Variants in MEOX2 observed in about 807,000 individuals in gnomAD.
MEOX2 encodes the protein homeobox protein MOX-2.
In MEOX2, 11 loss-of-function variants were observed where a neutral mutation model predicts 27.0. The ratio of observed to expected loss-of-function variants is 0.41; its 90% CI spans 0.26 to 0.68. The LOEUF (loss-of-function observed/expected upper bound fraction) is 0.68, where lower values mean the gene tolerates loss of function less well. MEOX2 is among the 30% of genes least tolerant of loss of function. MEOX2 has a pLI of 0.33. For missense variants in MEOX2, 436 were observed against 385.4 expected (o/e 1.13, Z -1.10); for synonymous variants, 189 against 155.4 (o/e 1.22, Z -1.61).
chr7:15,612,523 A>G lies in MEOX2; in HGVS notation c.779T>C (p.Val260Ala). Residue 260 changes from valine (V) to alanine (A), a missense_variant, in exon 3 of 3, where the codon GTG becomes GCG. Physicochemically the swap from Val to Ala is moderately conservative, Grantham distance 64. Transcript: ENST00000262041. ...GAGAAGTGTTCCCTTTTTCACATTC[A>G]CCAGTTCCTTTTCCCGAGCCGCAGC... is the stretch of plus-strand genomic sequence containing the variant. ...QGAAAREKELVNVKKGTLLPS... is the reference protein window; with the variant it reads ...QGAAAREKELANVKKGTLLPS... 1.2e-6 allele frequency: 2 copies of G among 1,614,080 alleles called. No individual in the cohort carries two copies. Among genetic ancestry groups the G allele is most frequent in the African/African-American group, 1.3e-5 (1 of 75,006 alleles).
At chr7:15,669,989 C>T (rs918032648) in intron 1 of MEOX2, among the ~76,000 whole-genome samples, 1 of 152,202 alleles carries the variant, frequency 6.6e-6, no homozygotes, top group Non-Finnish European at 1.5e-5. Context: ...CCTCCCCATT[C>T]CTCAAGAGGC....
At chr7:15,626,286 G>A (rs1781303933) in intron 2 of MEOX2, among the ~76,000 whole-genome samples, 1 of 152,124 alleles carries the variant, frequency 6.6e-6, no homozygotes. Context: ...TATGGAGAGT[G>A]AGTAAGTAAT....
intron 1 of MEOX2, among the ~76,000 whole-genome samples, chr7:15,639,287 T>C (rs1406120984): frequency 6.6e-6 from 1 of 152,182 alleles, no homozygotes; most frequent in Non-Finnish European, 1.5e-5. Context: ...TTTTGAGAAG[T>C]ATGTGTTCAT....
chr7:15,686,045 A>T lies in MEOX2; in HGVS notation c.358T>A (p.Leu120Met). The change falls in exon 1 of 3, where the codon TTG (leucine) becomes ATG (methionine). Residue 120 changes from leucine (L) to methionine (M), a missense_variant. By Grantham distance (15) the Leu-to-Met change is conservative (BLOSUM62 2). Transcript: ENST00000262041. ...LQPDSGGPPE[L>M]GSSPPVLCSN... ...CACAGGACGGGCGGGCTGCTCCCCA[A>T]CTCTGGGGGCCCTCCAGAGTCGGGC... 6 of 1,603,938 alleles carry T rather than the reference A, an allele frequency of 3.7e-6. No homozygotes were observed. The highest frequency in any genetic ancestry group is 1.7e-4 in the Middle Eastern group (1 of 5,996).
chr7:15,615,560 C>T (rs1781110048), intron 2 of MEOX2, among the ~76,000 whole-genome samples: 1 of 151,994 alleles, frequency 6.6e-6, no homozygotes, highest in Non-Finnish European at 1.5e-5. Flanking sequence ...GGTAATTACG[C>T]TACTGAGTTT....
intron 1 of MEOX2, among the ~76,000 whole-genome samples, chr7:15,675,466 T>A (rs1310512458): frequency 6.6e-6 from 1 of 152,204 alleles, no homozygotes; most frequent in Non-Finnish European, 1.5e-5. Flanking sequence ...TTATTTTTAT[T>A]GGGAAGACTA....
intron 1 of MEOX2, among the ~76,000 whole-genome samples, chr7:15,657,234 G>A (rs976368823): frequency 6.6e-6 from 1 of 151,838 alleles, no homozygotes; most frequent in Non-Finnish European, 1.5e-5. Context: ...TATGTCTTTT[G>A]CTAAATTTGG....
At chr7:15,679,376 C>A (rs1010423299) in intron 1 of MEOX2, 16 of 152,160 alleles carry the variant, frequency 1.1e-4, no homozygotes, top group African/African-American at 3.4e-4. Flanking sequence ...TGAAAGTAAG[C>A]AGCTTATAAT....
At chr7:15,665,298 G>A (rs943334826) in intron 1 of MEOX2, among the ~76,000 whole-genome samples, 14 of 151,024 alleles carry the variant, frequency 9.3e-5, no homozygotes, top group South Asian at 6.3e-4. Flanking sequence ...TGAAAAAAAA[G>A]CACCTTAATC....
At chr7:15,660,951 T>G (rs577522825) in intron 1 of MEOX2, among the ~76,000 whole-genome samples, 67 of 130,606 alleles carry the variant, frequency 5.1e-4, no homozygotes, top group African/African-American at 1.7e-3. Context: ...AGGTGGATGT[T>G]GCAGTGAGCC....
At chr7:15,642,620 A>G (rs1213214402) in intron 1 of MEOX2, among the ~76,000 whole-genome samples, 2 of 152,058 alleles carry the variant, frequency 1.3e-5, no homozygotes, top group Non-Finnish European at 2.9e-5. Flanking sequence ...CAAAGTTTTC[A>G]TTTTGGTTAG....
intron 2 of MEOX2, among the ~76,000 whole-genome samples, chr7:15,615,324 C>T (rs1320325346): frequency 6.6e-6 from 1 of 151,798 alleles, no homozygotes; most frequent in Non-Finnish European, 1.5e-5. Context: ...AACGTGAGGG[C>T]TGGGGTTTGT....
intron 1 of MEOX2, among the ~76,000 whole-genome samples, chr7:15,660,710 C>A (rs1162729678): frequency 6.6e-6 from 1 of 152,040 alleles, no homozygotes; most frequent in Non-Finnish European, 1.5e-5. Flanking sequence ...GTTAAATCCA[C>A]GGTCACCATT....
At chr7:15,635,845 A>G (rs1781471761) in intron 1 of MEOX2, among the ~76,000 whole-genome samples, 1 of 151,984 alleles carries the variant, frequency 6.6e-6, no homozygotes, top group Admixed American at 6.6e-5. Flanking sequence ...AAGTTTAATT[A>G]CAATTTTCCA....
chr7:15,637,205 G>A (rs1028917860), intron 1 of MEOX2, among the ~76,000 whole-genome samples: 1 of 152,020 alleles, frequency 6.6e-6, no homozygotes, highest in African/African-American at 2.4e-5. Context: ...TCTCTGCCAA[G>A]ATAGTATATA....
chr7:15,663,813 C>G (rs960821495), intron 1 of MEOX2, among the ~76,000 whole-genome samples: 1 of 152,032 alleles, frequency 6.6e-6, no homozygotes, highest in African/African-American at 2.4e-5. Context: ...AATCATAGCT[C>G]GTAGTAATAG....
chr7:15,663,356 G>A (rs1427277624), intron 1 of MEOX2, among the ~76,000 whole-genome samples: 5 of 148,636 alleles, frequency 3.4e-5, no homozygotes, highest in African/African-American at 5.0e-5. Context: ...TTTTTGAGAC[G>A]GAGTCTCACT....
chr7:15,621,124 C>T (rs1781216952), intron 2 of MEOX2, among the ~76,000 whole-genome samples: 1 of 152,138 alleles, frequency 6.6e-6, no homozygotes, highest in Non-Finnish European at 1.5e-5. Flanking sequence ...AGCCTTTAGA[C>T]TGAGTTCTCT....
At chr7:15,655,636 T>G (rs1386188695) in intron 1 of MEOX2, among the ~76,000 whole-genome samples, 1 of 151,816 alleles carries the variant, frequency 6.6e-6, no homozygotes, top group African/African-American at 2.4e-5. Flanking sequence ...CCCATAATAT[T>G]TAGAAGTGTG....
Sources: allele counts gnomAD v4.1 joint callset (sites outside exome capture counted in the v4.1 genomes callset), GRCh38; gene constraint gnomAD v4.1.1; transcripts MANE v1.5; gene names NCBI Gene and HGNC (gene_info 2026-07-23, HGNC 2026-07-21).